Variants in MYO16 observed in about 807,000 individuals in gnomAD.
The protein encoded by MYO16 is myosin XVI, also known as unconventional myosin-XVI.
MYO16 carries 94 observed loss-of-function variants against 205.3 expected under a neutral mutation model. That is an observed-to-expected ratio of 0.46 (90% CI 0.39 to 0.54). The LOEUF is 0.54. Ranked by LOEUF, MYO16 falls within the 20% of genes least tolerant of loss-of-function variation. MYO16 has a pLI of 0.00. For synonymous variants in MYO16, 988 were observed against 954.0 expected (o/e 1.04, Z -0.66); for missense variants, 2,315 against 2,387.5 (o/e 0.97, Z 0.63).
intron 1 of MYO16, among the ~76,000 whole-genome samples, chr13:108,600,068 A>T (rs923237801): frequency 3.3e-5 from 5 of 152,184 alleles, no homozygotes; most frequent in African/African-American, 1.2e-4. Flanking sequence ...AAAAAAAGTC[A>T]GCAGTACTTC....
intron 21 of MYO16, among the ~76,000 whole-genome samples, chr13:108,996,589 A>G (rs779726250): frequency 1.4e-4 from 22 of 152,190 alleles, no homozygotes; most frequent in Admixed American, 3.9e-4. Context: ...ACCATCTGCA[A>G]ATTGCTTCAA....
intron 14 of MYO16, 48 bp downstream of exon 14, chr13:108,888,525 C>A: frequency 1.5e-6 from 2 of 1,362,726 alleles, no homozygotes; most frequent in African/African-American, 1.5e-5. Flanking sequence ...AGATGTTCAG[C>A]CAGTTGTCAT....
intron 2 of MYO16, among the ~76,000 whole-genome samples, chr13:108,671,257 A>G (rs1432676680): frequency 6.6e-6 from 1 of 152,206 alleles, no homozygotes; most frequent in Non-Finnish European, 1.5e-5. Context: ...CAGGAAGCAG[A>G]CAAAAACAAT....
At chr13:108,831,337 C>G (rs1876611581) in intron 9 of MYO16, among the ~76,000 whole-genome samples, 1 of 152,068 alleles carries the variant, frequency 6.6e-6, no homozygotes, top group African/African-American at 2.4e-5. Context: ...TTGTAATTGT[C>G]AAAGATTTTT....
rs139533664 is a variant in MYO16, at chr13:108,767,807, G to A, written c.508-17828G>A. Among the ~76,000 whole-genome samples the A allele has an allele frequency of 3.1e-4, 47 of 152,200 alleles. 1 individual carries two copies. In the East Asian group the frequency reaches 8.5e-3, roughly 28 times the overall value. Reference sequence around the variant, plus strand: ...ATGAATTTTTACACTTAGCCCCAAAGTGTGCAGTCAGAGAGGAATGTGTGG... The same window carrying A: ...ATGAATTTTTACACTTAGCCCCAAAATGTGCAGTCAGAGAGGAATGTGTGG... On this transcript the variant is annotated intron_variant, in intron 4 of 34. Transcript: ENST00000457511.
At chr13:108,600,565 TA>T (rs1373852626) in intron 1 of MYO16, among the ~76,000 whole-genome samples, 2 of 152,134 alleles carry the variant, frequency 1.3e-5, no homozygotes, top group Non-Finnish European at 2.9e-5. Flanking sequence ...TTACTACATT[TA>T]AAAATAGTTC....
intron 33 of MYO16, among the ~76,000 whole-genome samples, chr13:109,175,532 CTGTCATTTGGGCAAGAAT>C (rs1437077946): frequency 2.6e-5 from 4 of 152,164 alleles, no homozygotes; most frequent in Non-Finnish European, 5.9e-5. Flanking sequence ...CCTTGATTTG[CTGTCATTTGGGCAAGAAT>C]GGCTTTTTGA....
At chr13:108,687,915 T>C (rs961083234) in intron 2 of MYO16, among the ~76,000 whole-genome samples, 2 of 152,132 alleles carry the variant, frequency 1.3e-5, no homozygotes, top group East Asian at 3.9e-4. Context: ...CAAAGGATAT[T>C]TGGACTGTGA....
At chr13:108,924,556 G>A (rs1309877930) in intron 16 of MYO16, among the ~76,000 whole-genome samples, 6 of 152,172 alleles carry the variant, frequency 3.9e-5, no homozygotes, top group Admixed American at 6.5e-5. Flanking sequence ...TCCTGAGTAC[G>A]AATGGAATCG....
intron 33 of MYO16, among the ~76,000 whole-genome samples, chr13:109,175,794 C>T (rs544439902): frequency 6.6e-6 from 1 of 152,258 alleles, no homozygotes; most frequent in African/African-American, 2.4e-5. Flanking sequence ...AGATAAAGAG[C>T]TCCATCTTCA....
At chr13:108,994,316 T>TACACAC (rs146565717) in intron 21 of MYO16, among the ~76,000 whole-genome samples, 36 of 146,448 alleles carry the variant, frequency 2.5e-4, no homozygotes, top group Non-Finnish European at 3.5e-4. Flanking sequence ...AAATTTGAAA[T>TACACAC]ACACACACAC....
chr13:108,621,304 C>T (rs998111416), intron 1 of MYO16, among the ~76,000 whole-genome samples: 7 of 152,146 alleles, frequency 4.6e-5, no homozygotes, highest in Admixed American at 3.3e-4. Flanking sequence ...ACTTCCAGGG[C>T]TGATAGAATT....
chr13:109,051,307 C>T (rs9559478), intron 24 of MYO16, among the ~76,000 whole-genome samples: 184 of 151,932 alleles, frequency 1.2e-3, no homozygotes, highest in African/African-American at 4.2e-3. Flanking sequence ...TTATGTCACC[C>T]GCATTTTGCA....
At chr13:108,787,223 TGTG>T (rs1886485395) in intron 5 of MYO16, among the ~76,000 whole-genome samples, 1 of 152,068 alleles carries the variant, frequency 6.6e-6, no homozygotes, top group Admixed American at 6.6e-5. Flanking sequence ...TGGCATATAA[TGTG>T]GTGATGGTTT....
intron 4 of MYO16, among the ~76,000 whole-genome samples, chr13:108,738,175 T>G (rs1884772736): frequency 4.4e-5 from 1 of 22,600 alleles, no homozygotes; most frequent in Admixed American, 7.3e-4. Context: ...TGCGTTCTGC[T>G]AGCTTTTGAA....
Position 109,189,691 on chromosome 13 carries a change from G to GA in MYO16, c.5415+10066dup, listed in dbSNP as rs574148992. Among the ~76,000 whole-genome samples the GA allele has an allele frequency of 5.6e-3, 846 of 151,868 alleles. 5 individuals carry two copies. The highest frequency in any genetic ancestry group is 8.6e-3 in the Non-Finnish European group (586 of 67,926). ...AGTCATACAGGGAAAAAATAGTGGG[G>GA]AAAAAAAATCGTCTTTTATGCTAAC... On this transcript the variant is annotated intron_variant, in intron 34 of 34. Coordinates refer to ENST00000457511, the MANE Select transcript of MYO16 (RefSeq NM_001198950.3).
intron 1 of MYO16, among the ~76,000 whole-genome samples, chr13:108,604,262 G>C (rs1412674195): frequency 6.6e-6 from 1 of 152,144 alleles, no homozygotes; most frequent in African/African-American, 2.4e-5. Flanking sequence ...GACTGTATCA[G>C]TGCCTATATT....
At chr13:108,939,517 G>T (rs1882633252) in intron 16 of MYO16, among the ~76,000 whole-genome samples, 2 of 152,182 alleles carry the variant, frequency 1.3e-5, no homozygotes, top group African/African-American at 4.8e-5. Flanking sequence ...TTAAAATGGG[G>T]TTTTAATTGG....
At chr13:108,576,556 A>G in the MYO16 span, among the ~76,000 whole-genome samples, 4,280 of 152,362 alleles carry the variant, frequency 0.028, 84 homozygotes, top group Non-Finnish European at 0.044. Context: ...TATCTGAAAA[A>G]TAACATCTTT....
Sources: gnomAD v4.1 joint callset for allele counts (sites outside exome capture counted in the v4.1 genomes callset) on GRCh38, gnomAD v4.1.1 for gene constraint, MANE v1.5 for transcripts, NCBI Gene and HGNC (gene_info 2026-07-23, HGNC 2026-07-21) for gene names.